NAE1: variants seen among roughly 807,000 people sequenced by gnomAD.
NAE1 encodes the protein NEDD8-activating enzyme E1 regulatory subunit.
Under a neutral mutation model 88.0 loss-of-function variants are expected in NAE1, and 59 were observed. The observed-to-expected ratio is 0.67, with a 90% CI of 0.54 to 0.83. The LOEUF (loss-of-function observed/expected upper bound fraction) is 0.83. Among genes scored for constraint, NAE1 ranks in the 40% least tolerant of loss-of-function variants. The probability of loss-of-function intolerance (pLI) is 0.00; values close to 1 mark genes in which losing one functional copy is unlikely to be tolerated. For synonymous variants in NAE1, 186 were observed against 208.9 expected (o/e 0.89, Z 0.95); for missense variants, 554 against 632.8 (o/e 0.88, Z 1.34).
chr16:66,817,274 A>G (rs1960083108), intron 9 of NAE1, 151 bp downstream of exon 9: 1 of 865,330 alleles, frequency 1.2e-6, no homozygotes, highest in Admixed American at 2.9e-5. Flanking sequence ...CAAAAGAGGA[A>G]CTGCTAGATT....
At chr16:66,824,211 C>T (rs1435420846) in intron 4 of NAE1, among the ~76,000 whole-genome samples, 1 of 152,234 alleles carries the variant, frequency 6.6e-6, no homozygotes, top group East Asian at 1.9e-4. Context: ...TTCAGACTCA[C>T]TCTAACCACC....
At chr16:66,812,442 A>C (rs768935980) in intron 13 of NAE1, among the ~76,000 whole-genome samples, 1 of 151,398 alleles carries the variant, frequency 6.6e-6, no homozygotes, top group South Asian at 2.1e-4. Context: ...TCTGCCTCCT[A>C]GGCGTATGTG....
At chr16:66,827,756 G>T (rs557255498) in intron 1 of NAE1, among the ~76,000 whole-genome samples, 2 of 152,302 alleles carry the variant, frequency 1.3e-5, no homozygotes, top group East Asian at 3.9e-4. Context: ...TTCTAATAGA[G>T]TGATTAATGT....
intron 9 of NAE1, 175 bp downstream of exon 9, chr16:66,817,250 A>T (rs1218015494): frequency 2.2e-6 from 2 of 890,250 alleles, no homozygotes; most frequent in Non-Finnish European, 3.4e-6. Context: ...CATTTTAATT[A>T]AAATTATCAG....
chr16:66,829,765 T>C (rs930876739), intron 1 of NAE1, among the ~76,000 whole-genome samples: 1 of 152,246 alleles, frequency 6.6e-6, no homozygotes, highest in African/African-American at 2.4e-5. Flanking sequence ...ACCCTCCTGA[T>C]GGCTTAGGCC....
At chr16:66,819,023 T>C (rs1298201621) in intron 7 of NAE1, among the ~76,000 whole-genome samples, 1 of 152,188 alleles carries the variant, frequency 6.6e-6, no homozygotes, top group Non-Finnish European at 1.5e-5. Context: ...TATAGAAACT[T>C]AGGAAATCTT....
chr16:66,818,461 C>CA, intron 8 of NAE1, 67 bp downstream of exon 8: 1 of 1,256,210 alleles, frequency 8.0e-7, no homozygotes, highest in East Asian at 2.5e-5. Context: ...TAGTGTAATT[C>CA]AAAAACCTTA....
chr16:66,809,169 C>T, intron 15 of NAE1, 94 bp from the exon 16 acceptor site: 1 of 824,944 alleles, frequency 1.2e-6, no homozygotes, highest in South Asian at 1.9e-5. Context: ...TATGTGTATA[C>T]CCTTCTCAGA....
chr16:66,816,781 G>T, intron 10 of NAE1, 109 bp from the exon 11 acceptor site: 1 of 1,267,648 alleles, frequency 7.9e-7, no homozygotes, highest in Non-Finnish European at 1.1e-6. Flanking sequence ...ATCTTAAGAA[G>T]AAATACGGCT....
At position 66,817,024 on chromosome 16, in the gene NAE1, T is replaced by C. The variant is rs1960069965; in HGVS notation, c.689A>G (p.Asn230Ser). ...KYLAQWYSET[N>S]GRIPKTYKEK... The stretch of plus-strand genomic sequence containing the variant: ...TTTATACGTTTTAGGTATTCGTCCA[T>C]TTGTCTAAATTGGTTAAAAATTTTA... Residue 230 changes from asparagine (N) to serine (S), a missense_variant, in exon 10 of 20, where the codon AAT becomes AGT. Asn to Ser is a conservative substitution (Grantham distance 46, BLOSUM62 1). Coordinates refer to ENST00000290810, the MANE Select transcript of NAE1 (RefSeq NM_003905.4). 1.3e-6 allele frequency: 2 copies of C among 1,585,158 alleles called. No individual in the cohort carries two copies. Among genetic ancestry groups the C allele is most frequent in the African/African-American group, 2.7e-5 (2 of 73,058 alleles).
intron 3 of NAE1, among the ~76,000 whole-genome samples, chr16:66,825,171 G>T (rs1567497046): frequency 6.6e-6 from 1 of 152,158 alleles, no homozygotes; most frequent in Non-Finnish European, 1.5e-5. Flanking sequence ...AACACCGGCG[G>T]GTGTGGTGGC....
chr16:66,810,403 G>A lies in NAE1; in HGVS notation c.1121C>T (p.Ser374Phe), dbSNP rs1285427221. 6 of 1,601,636 alleles carry A rather than the reference G, an allele frequency of 3.7e-6. No homozygotes were observed. The highest frequency in any genetic ancestry group is 5.1e-6 in the Non-Finnish European group (6 of 1,170,850). Reference protein sequence around the residue: ...LLQSIGQAPESISEKELKLLC... With the variant: ...LLQSIGQAPEFISEKELKLLC... Reference sequence around the variant, plus strand: ...TAATTTTAATTCTTTCTCTGAAATGGACTCTGGTGCCTGTAAAGAGATAAA... The same window carrying A: ...TAATTTTAATTCTTTCTCTGAAATGAACTCTGGTGCCTGTAAAGAGATAAA... The change falls in exon 15 of 20, where the codon TCC (serine) becomes TTC (phenylalanine). Residue 374 changes from serine to phenylalanine, a missense_variant. Transcript: ENST00000290810.
chr16:66,816,522 A>G (rs556560716), intron 11 of NAE1, 59 bp downstream of exon 11: 29 of 1,176,122 alleles, frequency 2.5e-5, no homozygotes, highest in African/African-American at 2.5e-4. Flanking sequence ...ACCATTTAAT[A>G]GCCAAGGACT....
intron 7 of NAE1, among the ~76,000 whole-genome samples, chr16:66,821,174 TA>T (rs1960242476): frequency 6.6e-6 from 1 of 152,172 alleles, no homozygotes; most frequent in Admixed American, 6.5e-5. Flanking sequence ...CAATGTGGGT[TA>T]GGGGGCAAAA....
chr16:66,810,847 T>A (rs1306065303), intron 13 of NAE1, 75 bp from the exon 14 acceptor site: 3 of 1,305,076 alleles, frequency 2.3e-6, no homozygotes, highest in African/African-American at 2.9e-5. Flanking sequence ...TGAACAAAAA[T>A]TTTCTTTCCT....
chr16:66,825,446 CAA>C (rs1232878853), intron 3 of NAE1, among the ~76,000 whole-genome samples: 24 of 75,092 alleles, frequency 3.2e-4, no homozygotes, highest in African/African-American at 3.6e-4. Flanking sequence ...GACTCCGTCT[CAA>C]AAAAAAAAAA....
chr16:66,820,550 G>C (rs1025608046), intron 7 of NAE1, among the ~76,000 whole-genome samples: 1 of 152,136 alleles, frequency 6.6e-6, no homozygotes, highest in Non-Finnish European at 1.5e-5. Context: ...CTGAGGTCAG[G>C]AGTTCGAGAC....
At chr16:66,826,922 T>C (rs1960484871) in intron 1 of NAE1, 142 bp from the exon 2 acceptor site, 1 of 712,746 alleles carries the variant, frequency 1.4e-6, no homozygotes, top group Admixed American at 3.0e-5. Flanking sequence ...CAGATATTAG[T>C]ATAGTGATTA....
intron 6 of NAE1, 81 bp downstream of exon 6, chr16:66,823,146 T>A: frequency 1.7e-6 from 1 of 600,552 alleles, no homozygotes; most frequent in Non-Finnish European, 2.5e-6. Flanking sequence ...TAAAACCATA[T>A]CATCATAGAC....
Sources: allele counts gnomAD v4.1 joint callset (sites outside exome capture counted in the v4.1 genomes callset), GRCh38; gene constraint gnomAD v4.1.1; transcripts MANE v1.5; gene names NCBI Gene and HGNC (gene_info 2026-07-23, HGNC 2026-07-21).